Variants in STS observed in about 807,000 individuals in gnomAD.
The protein encoded by STS is steryl-sulfatase.
In STS, 7 loss-of-function variants were observed where a neutral mutation model predicts 26.8. The ratio of observed to expected loss-of-function variants is 0.26; its 90% CI spans 0.15 to 0.49. STS has a LOEUF of 0.49. STS is among the 20% of genes least tolerant of loss of function. The pLI is 0.98. For synonymous variants in STS, 199 were observed against 189.4 expected (o/e 1.05, Z -0.42); for missense variants, 434 against 465.6 (o/e 0.93, Z 0.63).
intron 1 of STS, among the ~76,000 whole-genome samples, chrX:7,178,283 G>A (rs942738468): frequency 8.9e-6 from 1 of 112,090 alleles, no homozygotes; most frequent in African/African-American, 3.2e-5. Flanking sequence ...TTGATTGTTC[G>A]ATTGCTACCC....
chrX:7,296,301 C>G (rs1925658665), intron 7 of STS, among the ~76,000 whole-genome samples: 1 of 112,113 alleles, frequency 8.9e-6, no homozygotes, highest in Admixed American at 9.4e-5. Context: ...GATGGCCATA[C>G]CAAACAGCAA....
intron 2 of STS, among the ~76,000 whole-genome samples, chrX:7,216,406 C>A (rs955082257): frequency 8.9e-6 from 1 of 112,007 alleles, no homozygotes; most frequent in Admixed American, 9.5e-5. Context: ...AAAAAAACAA[C>A]AAATGCAGAC....
Position 7,170,889 on chromosome X carries a change from A to G in STS, c.-133-19991A>G, listed in dbSNP as rs1445018329. Among the ~76,000 whole-genome samples the G allele has an allele frequency of 2.7e-5, 3 of 111,877 alleles. No homozygotes were observed. In the Admixed American group the frequency reaches 2.9e-4, roughly 11 times the overall value. ...AAGAGTCACTGTATTGATAACTCCA[A>G]TGGATCTAATCAAACACGTAATTAG... On this transcript the variant is annotated intron_variant, in intron 1 of 10. Coordinates refer to ENST00000674429, the MANE Select transcript of STS (RefSeq NM_001320752.2).
chrX:7,211,166 T>C (rs1701389014), intron 2 of STS, among the ~76,000 whole-genome samples: 1 of 111,850 alleles, frequency 8.9e-6, no homozygotes, highest in African/African-American at 3.2e-5. Flanking sequence ...CTTACTTTAA[T>C]ATTCACTCCA....
chrX:7,232,973 C>A (rs1179765082), intron 2 of STS, among the ~76,000 whole-genome samples: 1 of 111,411 alleles, frequency 9.0e-6, no homozygotes, highest in Non-Finnish European at 1.9e-5. Context: ...GTCTCTCCTT[C>A]GCCATCACCT....
At chrX:7,201,864 T>C (rs1213993079) in intron 2 of STS, among the ~76,000 whole-genome samples, 5 of 111,166 alleles carry the variant, frequency 4.5e-5, no homozygotes, top group African/African-American at 1.6e-4. Flanking sequence ...TCTATGTTTG[T>C]TGCTAGGATG....
intron 8 of STS, among the ~76,000 whole-genome samples, chrX:7,308,825 G>T (rs1366870935): frequency 1.8e-5 from 2 of 111,675 alleles, no homozygotes; most frequent in African/African-American, 6.5e-5. Context: ...GTTATGGGAA[G>T]TAGGCTTCTG....
At chrX:7,174,363 C>T (rs1452354595) in intron 1 of STS, among the ~76,000 whole-genome samples, 13 of 111,715 alleles carry the variant, frequency 1.2e-4, no homozygotes, top group African/African-American at 3.6e-4. Flanking sequence ...AATCTCCTCG[C>T]CCTTTCACCA....
At position 7,352,481 on chromosome X, in the gene STS, G is replaced by A. The variant is rs763937969; in HGVS notation, c.*2220G>A. The A allele has an allele frequency of 8.0e-5, 9 of 112,209 alleles. No homozygotes were observed. Among genetic ancestry groups the A allele is most frequent in the East Asian group, 2.8e-4 (1 of 3,571 alleles). 9.2% of individuals were successfully genotyped at this position (112,209 alleles called of 1,213,427 possible). A position where few individuals can be genotyped will look rare whatever the true frequency, so the allele number is the denominator to read the frequency against. ...ATCAGGTCGATTTGTGGTAACTGTA[G>A]TCATCTTAAATTTCAAACCATTTAC... On this transcript the variant is annotated 3_prime_UTR_variant, in exon 11 of 11. Coordinates refer to ENST00000674429, the MANE Select transcript of STS (RefSeq NM_001320752.2).
chrX:7,187,398 C>T (rs1364623256), intron 1 of STS, among the ~76,000 whole-genome samples: 2 of 111,842 alleles, frequency 1.8e-5, no homozygotes, highest in African/African-American at 6.5e-5. Flanking sequence ...CTGAGACTGT[C>T]CCAGTTTGAA....
chrX:7,269,105 T>G (rs187843646), intron 6 of STS, among the ~76,000 whole-genome samples: 80 of 102,569 alleles, frequency 7.8e-4, no homozygotes, highest in African/African-American at 2.8e-3. Context: ...GAGCTATGAT[T>G]GCACCACTGC....
At chrX:7,286,646 A>T (rs1211135332) in intron 7 of STS, among the ~76,000 whole-genome samples, 2 of 111,726 alleles carry the variant, frequency 1.8e-5, no homozygotes, top group East Asian at 2.8e-4. Flanking sequence ...GACAACCTCT[A>T]CATTGCAAAG....
intron 9 of STS, among the ~76,000 whole-genome samples, chrX:7,329,696 C>G (rs975143822): frequency 2.7e-5 from 3 of 112,090 alleles, no homozygotes; most frequent in African/African-American, 9.7e-5. Context: ...TTGCTTCTTT[C>G]TGCGTTTTGT....
chrX:7,173,160 A>G (rs768726257), intron 1 of STS, among the ~76,000 whole-genome samples: 1 of 109,610 alleles, frequency 9.1e-6, no homozygotes, highest in East Asian at 2.9e-4. Context: ...TCATTGTTCA[A>G]CTCCCCCTTA....
At chrX:7,331,114 G>A (rs777430583) in intron 9 of STS, among the ~76,000 whole-genome samples, 5 of 111,089 alleles carry the variant, frequency 4.5e-5, no homozygotes, top group Non-Finnish European at 7.5e-5. Flanking sequence ...GGCAAAGGGC[G>A]CGTGGGAAGG....
intron 8 of STS, among the ~76,000 whole-genome samples, chrX:7,311,875 A>C (rs144534403): frequency 9.0e-6 from 1 of 110,946 alleles, no homozygotes; most frequent in African/African-American, 3.3e-5. Flanking sequence ...TTAAAAAACA[A>C]AATTAACCAG....
intron 2 of STS, among the ~76,000 whole-genome samples, chrX:7,195,225 C>G (rs751187484): frequency 3.4e-4 from 38 of 111,830 alleles, no homozygotes; most frequent in Non-Finnish European, 6.0e-4. Flanking sequence ...TAGAACTTGT[C>G]TTTGGTAATA....
rs758330335 is a variant in STS at position 7,196,033 on chromosome X, C to T, written c.-5+5025C>T. On this transcript the variant is annotated intron_variant, in intron 2 of 10. Coordinates refer to ENST00000674429, the MANE Select transcript of STS (RefSeq NM_001320752.2). Reference sequence around the variant, plus strand: ...CATAGGGAAGGAAAAAGTAATTTTTCCTCTACCCTGTCTGAGTTCTTATCT... The same window carrying T: ...CATAGGGAAGGAAAAAGTAATTTTTTCTCTACCCTGTCTGAGTTCTTATCT... 1.3e-4 allele frequency among the ~76,000 whole-genome samples: 15 copies of T among 112,178 alleles called. No homozygotes were observed. In the South Asian group the frequency reaches 5.3e-3, roughly 39 times the overall value.
intron 2 of STS, among the ~76,000 whole-genome samples, chrX:7,230,592 G>A (rs751772557): frequency 5.2e-4 from 58 of 112,149 alleles, no homozygotes; most frequent in African/African-American, 8.1e-4. Flanking sequence ...TCACAGTTCC[G>A]CATGGCTGGG....
Sources: allele counts gnomAD v4.1 joint callset (sites outside exome capture counted in the v4.1 genomes callset), GRCh38; gene constraint gnomAD v4.1.1; transcripts MANE v1.5; gene names NCBI Gene and HGNC (gene_info 2026-07-23, HGNC 2026-07-21).